Variants in MIPOL1 observed in about 807,000 individuals in gnomAD.
MIPOL1 encodes mirror-image polydactyly 1, also known as mirror-image polydactyly gene 1 protein.
A neutral mutation model predicts 60.9 loss-of-function variants in MIPOL1; 57 were observed. The observed-to-expected ratio is 0.94, with a 90% CI of 0.76 to 1.17. The LOEUF is 1.17. Ranked by LOEUF, MIPOL1 falls within the 50% of genes most tolerant of loss-of-function variation. The pLI, the probability that MIPOL1 is intolerant of heterozygous loss-of-function variation, is 0.00. For missense variants in MIPOL1, 551 were observed against 511.6 expected (o/e 1.08, Z -0.74); for synonymous variants, 179 against 168.8 (o/e 1.06, Z -0.47).
chr14:37,221,435 G>A (rs571110945), intron 1 of MIPOL1, among the ~76,000 whole-genome samples: 1 of 152,176 alleles, frequency 6.6e-6, no homozygotes, highest in Non-Finnish European at 1.5e-5. Context: ...GTCACGTGGT[G>A]TGTTAGTCCG....
intron 12 of MIPOL1, chr14:37,502,775 A>G (rs1278239882): frequency 6.6e-6 from 1 of 152,224 alleles, no homozygotes; most frequent in Non-Finnish European, 1.5e-5. Context: ...AATGACTTTG[A>G]TGAGTTGGCA....
At chr14:37,446,724 C>A (rs2094341170) in intron 11 of MIPOL1, among the ~76,000 whole-genome samples, 2 of 152,226 alleles carry the variant, frequency 1.3e-5, no homozygotes, top group African/African-American at 4.8e-5. Context: ...CACATATGCA[C>A]CATGGGATAC....
rs189803338 is a variant in MIPOL1, at chr14:37,510,217, C to T, written c.1262+10079C>T. 3.4e-4 allele frequency among the ~76,000 whole-genome samples: 52 copies of T among 151,454 alleles called. 1 individual carries two copies. The highest frequency in any genetic ancestry group is 1.1e-3 in the African/African-American group (44 of 41,252). On this transcript the variant is annotated intron_variant, in intron 12 of 12. Coordinates refer to ENST00000684589, the MANE Select transcript of MIPOL1 (RefSeq NM_001388067.1). ...GTTTATATATATACACATACATATA[C>T]GTGTGTGTGTATATATATAGTTTTG...
chr14:37,494,913 C>G (rs1381718023), intron 11 of MIPOL1, among the ~76,000 whole-genome samples: 4 of 152,008 alleles, frequency 2.6e-5, no homozygotes, highest in African/African-American at 9.7e-5. Context: ...TGCTAAGCAG[C>G]TTTTGAACTT....
intron 9 of MIPOL1, among the ~76,000 whole-genome samples, chr14:37,332,198 A>T (rs1423365239): frequency 6.6e-6 from 1 of 151,522 alleles, no homozygotes; most frequent in Admixed American, 6.6e-5. Context: ...TAGGTTTGTC[A>T]TTTATGGCCT....
At chr14:37,382,056 T>C (rs1407892079) in intron 10 of MIPOL1, among the ~76,000 whole-genome samples, 2 of 152,096 alleles carry the variant, frequency 1.3e-5, no homozygotes, top group Non-Finnish European at 2.9e-5. Flanking sequence ...ATCAGTTTTA[T>C]GTCTTTTTAG....
chr14:37,479,090 T>G (rs951201907), intron 11 of MIPOL1, among the ~76,000 whole-genome samples: 1 of 152,176 alleles, frequency 6.6e-6, no homozygotes, highest in Non-Finnish European at 1.5e-5. Context: ...TATTTTTTTT[T>G]GTTTCCAGTG....
chr14:37,364,839 C>T (rs2092416090), intron 9 of MIPOL1, among the ~76,000 whole-genome samples: 1 of 152,122 alleles, frequency 6.6e-6, no homozygotes, highest in Non-Finnish European at 1.5e-5. Context: ...ACAATATTGA[C>T]TCTTCCAATC....
At chr14:37,329,255 G>A (rs767076045) in intron 9 of MIPOL1, among the ~76,000 whole-genome samples, 5 of 151,886 alleles carry the variant, frequency 3.3e-5, no homozygotes, top group South Asian at 2.1e-4. Context: ...AAAAGAATGC[G>A]GGTAAATGAT....
At chr14:37,502,245 GT>G (rs369721067) in intron 12 of MIPOL1, 6 of 152,304 alleles carry the variant, frequency 3.9e-5, no homozygotes, top group African/African-American at 1.4e-4. Flanking sequence ...GAGGGAAGTG[GT>G]TATCTCAGCA....
chr14:37,423,990 A>G (rs2093919303), intron 11 of MIPOL1, among the ~76,000 whole-genome samples: 1 of 152,152 alleles, frequency 6.6e-6, no homozygotes. Flanking sequence ...AGTGATTTCT[A>G]TGGGTGCAAA....
intron 7 of MIPOL1, among the ~76,000 whole-genome samples, chr14:37,302,224 C>T (rs1212328910): frequency 6.9e-6 from 1 of 144,182 alleles, no homozygotes; most frequent in Non-Finnish European, 1.5e-5. Flanking sequence ...GTTCCTGTTG[C>T]TGTATATCCA....
chr14:37,319,104 G>A (rs775024958), intron 9 of MIPOL1, among the ~76,000 whole-genome samples: 8 of 152,068 alleles, frequency 5.3e-5, no homozygotes, highest in Admixed American at 5.2e-4. Context: ...GCCTTCCAAA[G>A]TGCTGAGATT....
chr14:37,415,832 A>G (rs890124011), intron 10 of MIPOL1, among the ~76,000 whole-genome samples: 2 of 152,134 alleles, frequency 1.3e-5, no homozygotes, highest in Admixed American at 6.5e-5. Flanking sequence ...CTACTATACA[A>G]TATCTTGTGA....
At chr14:37,241,881 A>G (rs929794056) in intron 1 of MIPOL1, among the ~76,000 whole-genome samples, 1 of 152,120 alleles carries the variant, frequency 6.6e-6, no homozygotes, top group East Asian at 1.9e-4. Flanking sequence ...TACATTTTGA[A>G]CTTCTCTATT....
intron 1 of MIPOL1, among the ~76,000 whole-genome samples, chr14:37,239,720 T>C (rs1972057171): frequency 6.6e-6 from 1 of 152,216 alleles, no homozygotes; most frequent in African/African-American, 2.4e-5. Flanking sequence ...TACTACATGC[T>C]TTTCATTAAT....
intron 12 of MIPOL1, among the ~76,000 whole-genome samples, chr14:37,517,382 G>A (rs2153628731): frequency 6.6e-6 from 1 of 152,190 alleles, no homozygotes; most frequent in South Asian, 2.1e-4. Context: ...CTTTTGAAAG[G>A]GATTCTTCAC....
At position 37,426,586 on chromosome 14, in the gene MIPOL1, T is replaced by TATATATATATATAC. The variant is rs1473912042; in HGVS notation, c.1031+3646_1031+3647insTATACATATATATA. On this transcript the variant is annotated intron_variant, in intron 11 of 12. Coordinates refer to ENST00000684589, the MANE Select transcript of MIPOL1 (RefSeq NM_001388067.1). ...CAAAATATACATATATATATATATA[T>TATATATATATATAC]ATATATATACACACACACATACATA... Among the ~76,000 whole-genome samples the TATATATATATATAC allele has an allele frequency of 7.9e-4, 109 of 138,720 alleles. 1 individual carries two copies. In the East Asian group the frequency reaches 0.02, roughly 26 times the overall value. The allele number at this position is 138,720 out of a possible 152,430, so 91.0% of individuals were successfully genotyped here.
intron 11 of MIPOL1, among the ~76,000 whole-genome samples, chr14:37,486,884 G>T (rs1022604228): frequency 6.6e-6 from 1 of 152,040 alleles, no homozygotes; most frequent in Admixed American, 6.6e-5. Flanking sequence ...AATGGGAGTG[G>T]GTATGAGAGG....
Sources: allele counts gnomAD v4.1 joint callset (sites outside exome capture counted in the v4.1 genomes callset), GRCh38; gene constraint gnomAD v4.1.1; transcripts MANE v1.5; gene names NCBI Gene and HGNC (gene_info 2026-07-23, HGNC 2026-07-21).